R3HCC1L: variants seen among roughly 807,000 people sequenced by gnomAD.
R3HCC1L encodes the protein R3H domain and coiled-coil containing 1 like, also known as coiled-coil domain-containing protein R3HCC1L.
A neutral mutation model predicts 59.9 loss-of-function variants in R3HCC1L; 51 were observed. The ratio of observed to expected loss-of-function variants is 0.85; its 90% CI spans 0.68 to 1.07. The LOEUF (loss-of-function observed/expected upper bound fraction) is 1.07. R3HCC1L is among the 50% of genes least tolerant of loss of function. The probability of loss-of-function intolerance (pLI) is 0.00; values close to 1 mark genes in which losing one functional copy is unlikely to be tolerated. For missense variants in R3HCC1L, 965 were observed against 933.0 expected, an observed-to-expected ratio of 1.03 and a Z score of -0.45; for synonymous variants, 322 against 315.2, an observed-to-expected ratio of 1.02 and a Z score of -0.23.
intron 4 of R3HCC1L, among the ~76,000 whole-genome samples, chr10:98,187,733 T>C (rs1338742862): frequency 6.8e-6 from 1 of 148,002 alleles, no homozygotes; most frequent in Non-Finnish European, 1.5e-5. Context: ...AACAATTCTT[T>C]TTTTTTTTTT....
chr10:98,206,520 C>T (rs923054654), intron 4 of R3HCC1L, among the ~76,000 whole-genome samples: 2 of 152,040 alleles, frequency 1.3e-5, no homozygotes, highest in Non-Finnish European at 2.9e-5. Flanking sequence ...TTGTTTACAT[C>T]TAAATTATTG....
chr10:98,193,123 TATCTC>T (rs1388505820), intron 4 of R3HCC1L, among the ~76,000 whole-genome samples: 3 of 152,028 alleles, frequency 2.0e-5, no homozygotes, highest in African/African-American at 7.2e-5. Context: ...AGAAGGAAAT[TATCTC>T]AACATAATAA....
At chr10:98,237,956 A>T (rs1476105989) in intron 9 of R3HCC1L, among the ~76,000 whole-genome samples, 1 of 152,016 alleles carries the variant, frequency 6.6e-6, no homozygotes, top group African/African-American at 2.4e-5. Context: ...TGTCTGTGTG[A>T]CCTTGAGAGG....
rs531449393 is a variant in R3HCC1L, at chr10:98,189,199, T to C, written c.-14-18902T>C. On this transcript the variant is annotated intron_variant, in intron 4 of 9. Coordinates refer to ENST00000298999, the MANE Select transcript of R3HCC1L (RefSeq NM_001351015.2). Reference sequence around the variant, plus strand: ...TAGAAATGCCTAGAGTAGCAATAAGTGACAGATGGTGAAGAGAAAGAAACA... The same window carrying C: ...TAGAAATGCCTAGAGTAGCAATAAGCGACAGATGGTGAAGAGAAAGAAACA... Among the ~76,000 whole-genome samples the C allele has an allele frequency of 2.0e-5, 3 of 152,272 alleles. No individual in the cohort carries two copies. In the East Asian group the frequency reaches 5.8e-4, roughly 29 times the overall value.
chr10:98,232,974 G>A (rs1180490654), intron 6 of R3HCC1L, among the ~76,000 whole-genome samples: 1 of 152,098 alleles, frequency 6.6e-6, no homozygotes, highest in Non-Finnish European at 1.5e-5. Context: ...AAGGGTGAAT[G>A]GATCCTGGAT....
intron 2 of R3HCC1L, among the ~76,000 whole-genome samples, chr10:98,161,435 A>G (rs946650010): frequency 5.9e-5 from 9 of 152,016 alleles, no homozygotes; most frequent in African/African-American, 1.9e-4. Context: ...CTGGTGATGT[A>G]TGTTACAAAT....
At chr10:98,136,091 G>A (rs983743649) in intron 1 of R3HCC1L, among the ~76,000 whole-genome samples, 13 of 148,014 alleles carry the variant, frequency 8.8e-5, no homozygotes, top group Admixed American at 2.7e-4. Flanking sequence ...GGGCTCAAAT[G>A]ATCCTCCCGC....
intron 1 of R3HCC1L, among the ~76,000 whole-genome samples, chr10:98,153,359 A>G (rs1282927090): frequency 6.6e-6 from 1 of 152,178 alleles, no homozygotes; most frequent in African/African-American, 2.4e-5. Flanking sequence ...CTCAGGGTTA[A>G]ATGGATTAAG....
chr10:98,182,373 C>A (rs907563503), intron 4 of R3HCC1L, among the ~76,000 whole-genome samples: 9 of 152,132 alleles, frequency 5.9e-5, no homozygotes, highest in Non-Finnish European at 7.3e-5. Context: ...TATTGCAGAA[C>A]AGCAAATATT....
At chr10:98,145,712 G>A (rs1845586343) in intron 1 of R3HCC1L, among the ~76,000 whole-genome samples, 1 of 152,180 alleles carries the variant, frequency 6.6e-6, no homozygotes, top group South Asian at 2.1e-4. Context: ...AGCACTTTGG[G>A]AGGCTGAGGC....
intron 1 of R3HCC1L, among the ~76,000 whole-genome samples, chr10:98,144,064 G>T (rs922814488): frequency 2.0e-5 from 3 of 152,050 alleles, no homozygotes; most frequent in East Asian, 1.9e-4. Context: ...AGCATTTTGT[G>T]GGGGGTCCGA....
intron 4 of R3HCC1L, among the ~76,000 whole-genome samples, chr10:98,197,305 G>T (rs904502291): frequency 6.6e-6 from 1 of 151,986 alleles, no homozygotes; most frequent in Non-Finnish European, 1.5e-5. Context: ...GTTTTTGCAC[G>T]TGTTCATTCT....
intron 5 of R3HCC1L, among the ~76,000 whole-genome samples, chr10:98,211,572 A>C (rs1246160572): frequency 6.6e-6 from 1 of 152,184 alleles, no homozygotes; most frequent in Non-Finnish European, 1.5e-5. Context: ...AGTTGGTGAA[A>C]GGACTGCATG....
intron 4 of R3HCC1L, among the ~76,000 whole-genome samples, chr10:98,179,868 T>C (rs1036987780): frequency 6.6e-6 from 1 of 152,232 alleles, no homozygotes; most frequent in Non-Finnish European, 1.5e-5. Context: ...TTTGTAGTAT[T>C]CTCTGATAGT....
chr10:98,232,134 GTGTGTCACCATGCCTGGCTAATTTT>G (rs941762896), intron 6 of R3HCC1L, among the ~76,000 whole-genome samples: 1 of 152,040 alleles, frequency 6.6e-6, no homozygotes, highest in Admixed American at 6.6e-5. Context: ...GACCACAGGT[GTGTGTCACCATGCCTGGCTAATTTT>G]TGTATTTTTT....
intron 2 of R3HCC1L, among the ~76,000 whole-genome samples, chr10:98,157,052 T>C (rs1846954302): frequency 6.6e-6 from 1 of 152,252 alleles, no homozygotes; most frequent in Non-Finnish European, 1.5e-5. Context: ...ATTGGAAATA[T>C]TTTTCTTCAG....
At chr10:98,229,461 CAACTT>C (rs756113797) in intron 5 of R3HCC1L, among the ~76,000 whole-genome samples, 1 of 152,170 alleles carries the variant, frequency 6.6e-6, no homozygotes, top group Admixed American at 6.5e-5. Context: ...AGTTGCCTGT[CAACTT>C]AAGGAGATTT....
At chr10:98,166,705 C>T (rs967376773) in intron 4 of R3HCC1L, among the ~76,000 whole-genome samples, 4 of 152,156 alleles carry the variant, frequency 2.6e-5, no homozygotes, top group African/African-American at 9.7e-5. Context: ...GTAGAGACAT[C>T]TTAAGGGGAA....
At chr10:98,167,707 C>T (rs1006503696) in intron 4 of R3HCC1L, among the ~76,000 whole-genome samples, 1 of 152,154 alleles carries the variant, frequency 6.6e-6, no homozygotes. Context: ...ATCCAATCCA[C>T]GGACTTTGAA....
Sources: gnomAD v4.1 joint callset for allele counts (sites outside exome capture counted in the v4.1 genomes callset) on GRCh38, gnomAD v4.1.1 for gene constraint, MANE v1.5 for transcripts, NCBI Gene and HGNC (gene_info 2026-07-23, HGNC 2026-07-21) for gene names.